STX17: variants seen among roughly 807,000 people sequenced by gnomAD.
STX17 encodes syntaxin 17.
STX17 carries 29 observed loss-of-function variants against 35.9 expected under a neutral mutation model. The observed-to-expected ratio is 0.81, with a 90% confidence interval of 0.60 to 1.10. The LOEUF is 1.10. Ranked by LOEUF, STX17 falls within the 50% of genes least tolerant of loss-of-function variation. The probability of loss-of-function intolerance (pLI) is 0.00; values close to 1 mark genes in which losing one functional copy is unlikely to be tolerated. For synonymous variants in STX17, 92 were observed against 118.3 expected (o/e 0.78, Z 1.44); for missense variants, 312 against 352.3 (o/e 0.89, Z 0.92).
intron 3 of STX17, among the ~76,000 whole-genome samples, chr9:99,935,329 CAAAAAAA>C (rs35032937): frequency 1.6e-4 from 16 of 101,196 alleles, no homozygotes; most frequent in African/African-American, 4.9e-4. Context: ...CACTCCATCT[CAAAAAAA>C]AAAAAAAAAA....
intron 6 of STX17, among the ~76,000 whole-genome samples, chr9:99,965,190 G>GT (rs942509641): frequency 1.3e-5 from 2 of 152,136 alleles, no homozygotes; most frequent in African/African-American, 4.8e-5. Flanking sequence ...CTCAGGATTG[G>GT]TTTTTTGCCT....
chr9:99,926,503 T>G (rs567110216), intron 2 of STX17, among the ~76,000 whole-genome samples: 1 of 151,888 alleles, frequency 6.6e-6, no homozygotes, highest in South Asian at 2.1e-4. Flanking sequence ...TTTTGAGTCT[T>G]TCTTTTTTTT....
intron 3 of STX17, among the ~76,000 whole-genome samples, chr9:99,946,687 C>T (rs927865728): frequency 6.6e-6 from 1 of 152,126 alleles, no homozygotes; most frequent in Admixed American, 6.5e-5. Context: ...CAAATTCTCT[C>T]AGCTTTTGTT....
chr9:99,924,385 A>G (rs1335057999), intron 2 of STX17, among the ~76,000 whole-genome samples: 2 of 152,176 alleles, frequency 1.3e-5, no homozygotes, highest in East Asian at 3.9e-4. Flanking sequence ...GTGGACAAAG[A>G]CCAATGTATA....
chr9:99,956,407 A>T (rs1214623031), intron 4 of STX17, among the ~76,000 whole-genome samples: 1 of 152,150 alleles, frequency 6.6e-6, no homozygotes, highest in Non-Finnish European at 1.5e-5. Context: ...ATGGTTATAA[A>T]GTTCTCCTTT....
intron 1 of STX17, among the ~76,000 whole-genome samples, chr9:99,913,832 C>G (rs867527649): frequency 2.7e-4 from 41 of 152,122 alleles, no homozygotes; most frequent in African/African-American, 8.9e-4. Flanking sequence ...TGGAGGCAGT[C>G]TATATAACCA....
At chr9:99,967,472 C>CCA in intron 6 of STX17, 181 bp from the exon 7 acceptor site, 1 of 377,446 alleles carries the variant, frequency 2.6e-6, no homozygotes. Context: ...AGACCCCCCC[C>CCA]TTTTTTTTAT....
Position 99,970,725 on chromosome 9 carries a change from C to T in STX17, c.*2052C>T, listed in dbSNP as rs1830003046. ...AAACTCCCAGTATTCTACCCTTCTT[C>T]ATCACTGCATATTACCCCACTCTTC... On this transcript the variant is annotated 3_prime_UTR_variant, in exon 8 of 8. Transcript: ENST00000259400. Among the ~76,000 whole-genome samples, 1 of 152,218 alleles carries T rather than the reference C, an allele frequency of 6.6e-6. No homozygotes were observed. Among genetic ancestry groups the T allele is most frequent in the South Asian group, 2.1e-4 (1 of 4,822 alleles).
chr9:99,943,369 G>A (rs1030284204), intron 3 of STX17, among the ~76,000 whole-genome samples: 1 of 151,946 alleles, frequency 6.6e-6, no homozygotes, highest in Non-Finnish European at 1.5e-5. Context: ...GTGCAGTGGC[G>A]CAATCTTGGC....
At chr9:99,922,260 A>T (rs968463596) in intron 2 of STX17, among the ~76,000 whole-genome samples, 3 of 152,132 alleles carry the variant, frequency 2.0e-5, no homozygotes. Context: ...AGGGGACAGG[A>T]GTCAGTCTGT....
chr9:99,938,807 GGAGGGAGGGAAGGACCTGATAA>G (rs1829291771), intron 3 of STX17, among the ~76,000 whole-genome samples: 1 of 149,558 alleles, frequency 6.7e-6, no homozygotes, highest in African/African-American at 2.5e-5. Context: ...AGGGAGGGAG[GGAGGGAGGGAAGGACCTGATAA>G]GAGGGAGGGA....
Position 99,915,368 on chromosome 9 carries a change from C to G in STX17, c.123+6C>G. ...ACCAGATAAATATTGAGAAGGTGAG[C>G]TGTTTCATTTACTACCACAAGAAAT... On this transcript the variant is annotated splice_donor_region_variant and intron_variant, in intron 2 of 7. Coordinates refer to ENST00000259400, the MANE Select transcript of STX17 (RefSeq NM_017919.3). The G allele has an allele frequency of 4.4e-6, 7 of 1,581,436 alleles. No homozygotes were observed. The highest frequency in any genetic ancestry group is 6.0e-6 in the Non-Finnish European group (7 of 1,167,200).
rs1413436066 is a variant in STX17 at position 99,973,900 on chromosome 9, A to G, written c.*5227A>G. 6.6e-6 allele frequency among the ~76,000 whole-genome samples: 1 copy of G among 152,168 alleles called. No homozygotes were observed. The highest frequency in any genetic ancestry group is 6.5e-5 in the Admixed American group (1 of 15,272). ...TCACTACTCACCATCTGACAATGCCACTAAAAATCCACAAGAGTGATTTTA... is the reference window on the plus strand; with the variant it reads ...TCACTACTCACCATCTGACAATGCCGCTAAAAATCCACAAGAGTGATTTTA... On this transcript the variant is annotated 3_prime_UTR_variant, in exon 8 of 8. Coordinates refer to ENST00000259400, the MANE Select transcript of STX17 (RefSeq NM_017919.3).
chr9:99,940,492 G>C (rs1292284387), intron 3 of STX17, among the ~76,000 whole-genome samples: 1 of 111,582 alleles, frequency 9.0e-6, no homozygotes, highest in Non-Finnish European at 1.9e-5. Flanking sequence ...TTTTTTTTGA[G>C]ATGGAGTCCC....
At chr9:99,916,894 A>G (rs183418525) in intron 2 of STX17, among the ~76,000 whole-genome samples, 2 of 151,834 alleles carry the variant, frequency 1.3e-5, no homozygotes, top group East Asian at 1.9e-4. Flanking sequence ...CCTTTTTCTT[A>G]TGTTTATTCT....
chr9:99,926,065 T>C (rs910846008), intron 2 of STX17, among the ~76,000 whole-genome samples: 6 of 152,076 alleles, frequency 3.9e-5, no homozygotes, highest in African/African-American at 1.4e-4. Flanking sequence ...GCTGTGTCCT[T>C]AGGTTTACTA....
intron 6 of STX17, among the ~76,000 whole-genome samples, chr9:99,960,449 G>GT (rs201738436): frequency 0.027 from 3,864 of 144,320 alleles, 129 homozygotes; most frequent in African/African-American, 0.084. Flanking sequence ...TGTTTTTTGT[G>GT]TTTTTTTTTT....
chr9:99,960,014 G>T lies in STX17; in HGVS notation c.513G>T (p.Ser171=). ...EIPQDQNAAE[S]WETLEADLIE... is the part of the protein sequence containing the mutation. ...CTCAAGATCAAAATGCTGCAGAATCGTGGGAAACCTTAGAAGCGGTATGTT... is the reference window on the plus strand; with the variant it reads ...CTCAAGATCAAAATGCTGCAGAATCTTGGGAAACCTTAGAAGCGGTATGTT... The change falls in exon 5 of 8, where the codon TCG becomes TCT. Residue 171 remains serine, a synonymous_variant. Coordinates refer to ENST00000259400, the MANE Select transcript of STX17 (RefSeq NM_017919.3). 6.2e-7 allele frequency: 1 copy of T among 1,613,976 alleles called. No individual in the cohort carries two copies. The highest frequency in any genetic ancestry group is 8.5e-7 in the Non-Finnish European group (1 of 1,179,970).
chr9:99,933,246 A>G (rs1421866664), intron 3 of STX17, among the ~76,000 whole-genome samples: 3 of 152,214 alleles, frequency 2.0e-5, no homozygotes, highest in African/African-American at 4.8e-5. Flanking sequence ...ATGTAACTCC[A>G]TATGTCTCTG....
Sources: allele counts gnomAD v4.1 joint callset (sites outside exome capture counted in the v4.1 genomes callset), GRCh38; gene constraint gnomAD v4.1.1; transcripts MANE v1.5; gene names NCBI Gene and HGNC (gene_info 2026-07-23, HGNC 2026-07-21).